Variants in ARID1A observed in about 807,000 individuals in gnomAD.
ARID1A encodes the protein AT-rich interaction domain 1A.
Under a neutral mutation model 212.6 loss-of-function variants are expected in ARID1A, and 20 were observed. The ratio of observed to expected loss-of-function variants is 0.09; its 90% CI spans 0.07 to 0.14. ARID1A has a LOEUF of 0.14. Among genes scored for constraint, ARID1A ranks in the 10% least tolerant of loss-of-function variants. ARID1A has a pLI of 1.00. For synonymous variants in ARID1A, 1,376 were observed against 1,222.1 expected, an observed-to-expected ratio of 1.13 and a Z score of -2.63; for missense variants, 2,587 against 3,059.0, an observed-to-expected ratio of 0.85 and a Z score of 3.64.
chr1:26,773,436 G>A lies in ARID1A; in HGVS notation c.3806G>A (p.Gly1269Glu). The change falls in exon 15 of 20, where the codon GGA becomes GAA. Residue 1269 changes from glycine to glutamate, a missense_variant. Gly to Glu is a moderately conservative substitution (Grantham distance 98, BLOSUM62 -2). Coordinates refer to ENST00000324856, the MANE Select transcript of ARID1A (RefSeq NM_006015.6). Reference protein sequence around the residue: ...PYSRAAGPGLGNVAMGPRQHY... With the variant: ...PYSRAAGPGLENVAMGPRQHY... ...AGTCGTGCTGCCGGCCCTGGGCTAG[G>A]AAATGTGGCGATGGGACCACGACAG... 1 of 1,613,794 alleles carries A rather than the reference G, an allele frequency of 6.2e-7. No homozygotes were observed. The highest frequency in any genetic ancestry group is 8.5e-7 in the Non-Finnish European group (1 of 1,179,866).
chr1:26,780,778 C>CG lies in ARID1A; in HGVS notation c.*22_*23insG, dbSNP rs763858866. The CG allele has an allele frequency of 9.1e-6, 14 of 1,544,064 alleles. No homozygotes were observed. Among genetic ancestry groups the CG allele is most frequent in the Non-Finnish European group, 1.2e-5 (14 of 1,146,398 alleles). ...ATGACAGCCGTGGGACACCTCCCCC[C>CG]CCCGTGTGTGTGTGCGTGTGTGGAG... On this transcript the variant is annotated 3_prime_UTR_variant, in exon 20 of 20. Transcript: ENST00000324856. The surrounding 1 kb of genome is among the most constrained non-coding windows in gnomAD (Gnocchi z 7.2).
chr1:26,764,057 CT>C (rs2081017176), intron 8 of ARID1A, among the ~76,000 whole-genome samples: 2 of 152,248 alleles, frequency 1.3e-5, no homozygotes, highest in South Asian at 4.1e-4. Flanking sequence ...GCCACCTCTG[CT>C]TTCCAGGTTC....
Position 26,696,628 on chromosome 1 carries a change from C to A in ARID1A, c.225C>A (p.Asp75Glu). ...PPQPLGKELQ[D>E]GAESNGGGGG... The stretch of plus-strand genomic sequence containing the variant: ...AGCCGCTGGGAAAGGAGCTGCAGGA[C>A]GGGGCCGAGAGCAATGGGGGTGGCG... The change falls in exon 1 of 20, where the codon GAC becomes GAA. Residue 75 changes from aspartate (D) to glutamate (E), a missense_variant. Physicochemically the swap from Asp to Glu is conservative, Grantham distance 45. This residue lies in a region of ARID1A where 735 missense variants were observed against 590.6 expected (regional missense o/e 1.24). Transcript: ENST00000324856. 7.9e-7 allele frequency: 1 copy of A among 1,271,378 alleles called. No individual in the cohort carries two copies. Among genetic ancestry groups the A allele is most frequent in the Non-Finnish European group, 9.9e-7 (1 of 1,013,084 alleles). 78.8% of individuals were successfully genotyped at this position (1,271,378 alleles called of 1,614,324 possible).
At chr1:26,775,297 C>T (rs375675647) in intron 18 of ARID1A, 77 bp downstream of exon 18, 1 of 1,500,076 alleles carries the variant, frequency 6.7e-7, no homozygotes, top group South Asian at 1.4e-5. Flanking sequence ...CCTTACTATT[C>T]TGGATGAGGT....
chr1:26,725,753 C>T (rs1348451034), intron 1 of ARID1A, among the ~76,000 whole-genome samples: 2 of 151,940 alleles, frequency 1.3e-5, no homozygotes, highest in South Asian at 4.1e-4. Context: ...CGCAGGCCTC[C>T]GTGTGAGAGA....
chr1:26,775,456 C>A, intron 18 of ARID1A, 121 bp from the exon 19 acceptor site: 1 of 1,459,000 alleles, frequency 6.9e-7, no homozygotes, highest in East Asian at 2.5e-5. Flanking sequence ...TTTCATCTCC[C>A]AGACAGAAAC....
chr1:26,746,212 T>A (rs1049194655), intron 4 of ARID1A, among the ~76,000 whole-genome samples: 1 of 152,232 alleles, frequency 6.6e-6, no homozygotes, highest in Non-Finnish European at 1.5e-5. Context: ...AGTTCTGTTC[T>A]CCAGAAGGAT....
chr1:26,734,343 CTT>C (rs55976597), intron 4 of ARID1A, among the ~76,000 whole-genome samples: 236 of 121,380 alleles, frequency 1.9e-3, no homozygotes, highest in East Asian at 3.0e-3. Context: ...TATTTGGCTT[CTT>C]TTTTTTTTTT....
rs757183012 is a variant in ARID1A, at chr1:26,697,057, C to T, written c.654C>T (p.Asn218=). Residue 218 remains asparagine, a synonymous_variant, in exon 1 of 20, where the codon AAC becomes AAT. Coordinates refer to ENST00000324856, the MANE Select transcript of ARID1A (RefSeq NM_006015.6). ...ACCAGTACAACTCCTACTACCCCAACCGCAGCGCCTACCCCCCGCCCGCCC... is the reference window on the plus strand; with the variant it reads ...ACCAGTACAACTCCTACTACCCCAATCGCAGCGCCTACCCCCCGCCCGCCC... ...PNHQYNSYYP[N]RSAYPPPAPA... is the part of the protein sequence containing the mutation. 5 of 1,526,786 alleles carry T rather than the reference C, an allele frequency of 3.3e-6. No homozygotes were observed. The highest frequency in any genetic ancestry group is 4.4e-6 in the Non-Finnish European group (5 of 1,141,262). The allele number at this position is 1,526,786 out of a possible 1,614,324, so 94.6% of individuals were successfully genotyped here.
rs1231770159 is a variant in ARID1A, at chr1:26,761,259, C to CT, written c.2162-122dup. On this transcript the variant is annotated intron_variant, in intron 5 of 19. Coordinates refer to ENST00000324856, the MANE Select transcript of ARID1A (RefSeq NM_006015.6). ...AGATTGGAACCTGTTGGCTGGATCT[C>CT]TTTGTGTGTGATACTGGGAGGTACT... 11 of 1,455,628 alleles carry CT rather than the reference C, an allele frequency of 7.6e-6. No homozygotes were observed. In the East Asian group the frequency reaches 2.6e-4, roughly 35 times the overall value. 90.2% of individuals were successfully genotyped at this position (1,455,628 alleles called of 1,614,324 possible).
chr1:26,729,610 C>A (rs2124784583), intron 1 of ARID1A, 41 bp from the exon 2 acceptor site: 1 of 1,603,826 alleles, frequency 6.2e-7, no homozygotes. Flanking sequence ...TGGCCAGAGG[C>A]CATCAAAGCT....
At chr1:26,777,940 C>T (rs1483987153) in intron 19 of ARID1A, among the ~76,000 whole-genome samples, 2 of 152,028 alleles carry the variant, frequency 1.3e-5, no homozygotes. Context: ...TGGTGGCACA[C>T]ACCTCTAATC....
chr1:26,724,446 C>T (rs1321313989), intron 1 of ARID1A, among the ~76,000 whole-genome samples: 3 of 152,134 alleles, frequency 2.0e-5, no homozygotes, highest in Non-Finnish European at 4.4e-5. Context: ...TATGAAGTTT[C>T]TCTTTCCTGG....
At chr1:26,729,111 C>G (rs2080647832) in intron 1 of ARID1A, 1 of 155,668 alleles carries the variant, frequency 6.4e-6, no homozygotes, top group Admixed American at 6.2e-5. Flanking sequence ...ACTCTTAATT[C>G]AGAGTTCCCA....
chr1:26,717,564 ATTG>A (rs1481701075), intron 1 of ARID1A, among the ~76,000 whole-genome samples: 4 of 152,238 alleles, frequency 2.6e-5, no homozygotes, highest in South Asian at 2.1e-4. Context: ...ACAGACATTA[ATTG>A]TTCTACAAAT....
At position 26,781,753 on chromosome 1, in the gene ARID1A, A is replaced by AT. The variant is rs1375287195; in HGVS notation, c.*998dup. On this transcript the variant is annotated 3_prime_UTR_variant, in exon 20 of 20. Transcript: ENST00000324856. ...ACACAGCTATTTAATCTCTTGCCAG[A>AT]TATCGCCCCTCTTGGTGCGATGCTG... The AT allele has an allele frequency of 4.3e-6, 1 of 233,640 alleles. No individual in the cohort carries two copies. Among genetic ancestry groups the AT allele is most frequent in the Non-Finnish European group, 8.5e-6 (1 of 118,072 alleles). 14.5% of individuals were successfully genotyped at this position (233,640 alleles called of 1,614,324 possible).
chr1:26,772,800 C>T lies in ARID1A; in HGVS notation c.3540-12C>T, dbSNP rs117058748. 185 of 1,611,144 alleles carry T rather than the reference C, an allele frequency of 1.1e-4. No individual in the cohort carries two copies. In the East Asian group the frequency reaches 3.3e-3, roughly 29 times the overall value. ...TTTATTTGTGGTTTACTTGGTTTTC[C>T]TCACTCTGGAGCAGGAGCAATTCAG... On this transcript the variant is annotated splice_polypyrimidine_tract_variant and intron_variant, in intron 13 of 19. Coordinates refer to ENST00000324856, the MANE Select transcript of ARID1A (RefSeq NM_006015.6).
chr1:26,702,154 T>G (rs926414862), intron 1 of ARID1A, among the ~76,000 whole-genome samples: 6 of 152,128 alleles, frequency 3.9e-5, no homozygotes, highest in African/African-American at 1.2e-4. Context: ...GTGCCTGGAC[T>G]TGCCCTGTAA....
At chr1:26,744,741 T>G (rs1470646159) in intron 4 of ARID1A, among the ~76,000 whole-genome samples, 1 of 152,168 alleles carries the variant, frequency 6.6e-6, no homozygotes, top group Non-Finnish European at 1.5e-5. Context: ...TATGCCATCC[T>G]CAGCAGAATA....
Sources: gnomAD v4.1 joint callset for allele counts (sites outside exome capture counted in the v4.1 genomes callset) on GRCh38, gnomAD v4.1.1 for gene constraint, gnomAD v4.1.1 regional missense constraint, Gnocchi (gnomAD v3.1) non-coding constraint, MANE v1.5 for transcripts, NCBI Gene and HGNC (gene_info 2026-07-23, HGNC 2026-07-21) for gene names.